PRPF3: variants seen among roughly 807,000 people sequenced by gnomAD.
The protein encoded by PRPF3 is pre-mRNA processing factor 3.
A neutral mutation model predicts 89.2 loss-of-function variants in PRPF3; 3 were observed. The ratio of observed to expected loss-of-function variants is 0.03; its 90% CI spans 0.02 to 0.09. PRPF3 has a LOEUF of 0.09. Among genes scored for constraint, PRPF3 ranks in the 10% least tolerant of loss-of-function variants. The pLI, the probability that PRPF3 is intolerant of heterozygous loss-of-function variation, is 1.00. For synonymous variants in PRPF3, 270 were observed against 289.1 expected (o/e 0.93, Z 0.67); for missense variants, 463 against 828.8 (o/e 0.56, Z 5.42).
chr1:150,333,299 C>T, intron 6 of PRPF3, 100 bp downstream of exon 6: 1 of 1,326,532 alleles, frequency 7.5e-7, no homozygotes, highest in Non-Finnish European at 1.1e-6. Flanking sequence ...GTGCCTCAGG[C>T]CTGTAATCGT....
In PRPF3 at chr1:150,325,071, C is replaced by A; in HGVS notation, c.129C>A (p.Asp43Glu). The change falls in exon 2 of 16, where the codon GAC becomes GAA. Residue 43 changes from aspartate to glutamate, a missense_variant. Asp to Glu is a conservative substitution (Grantham distance 45). This residue lies in a region of PRPF3 where 33 missense variants were observed against 83.1 expected (regional missense o/e 0.40). Transcript: ENST00000324862. The part of the protein sequence containing the change: ...AALNCVGKGM[D>E]KKKAADHLKP... ...TGAACTGTGTGGGGAAGGGCATGGACAAGAAGAAGGCAGCCGGTATGTACC... is the reference window on the plus strand; with the variant it reads ...TGAACTGTGTGGGGAAGGGCATGGAAAAGAAGAAGGCAGCCGGTATGTACC... 2 of 1,613,628 alleles carry A rather than the reference C, an allele frequency of 1.2e-6. No homozygotes were observed. Among genetic ancestry groups the A allele is most frequent in the Non-Finnish European group, 1.7e-6 (2 of 1,179,798 alleles).
intron 8 of PRPF3, among the ~76,000 whole-genome samples, chr1:150,339,503 C>T (rs1657440767): frequency 6.7e-6 from 1 of 149,564 alleles, no homozygotes; most frequent in Non-Finnish European, 1.5e-5. Flanking sequence ...GTGGAGCAAT[C>T]TTGGTTCACC....
intron 1 of PRPF3, among the ~76,000 whole-genome samples, chr1:150,323,731 A>G (rs1250488699): frequency 6.6e-6 from 1 of 151,420 alleles, no homozygotes; most frequent in African/African-American, 2.4e-5. Flanking sequence ...CTGTATGCAG[A>G]ATTCCCACTG....
intron 7 of PRPF3, among the ~76,000 whole-genome samples, chr1:150,337,403 G>T (rs1481230685): frequency 6.6e-6 from 1 of 152,110 alleles, no homozygotes; most frequent in Non-Finnish European, 1.5e-5. Flanking sequence ...GGGGTTGAAG[G>T]TGAGATCTAT....
intron 9 of PRPF3, among the ~76,000 whole-genome samples, chr1:150,342,855 A>C (rs1355051948): frequency 2.6e-5 from 4 of 152,000 alleles, no homozygotes; most frequent in Admixed American, 1.3e-4. Context: ...TTTATAATAG[A>C]GTTGGGTCTC....
chr1:150,340,996 T>C (rs1657635762), intron 9 of PRPF3, among the ~76,000 whole-genome samples: 2 of 151,374 alleles, frequency 1.3e-5, no homozygotes, highest in African/African-American at 4.8e-5. Flanking sequence ...TCCCAGCCTC[T>C]TGGGAGGCTG....
At chr1:150,343,089 A>G (rs1488443237) in intron 9 of PRPF3, 1 of 185,200 alleles carries the variant, frequency 5.4e-6, no homozygotes, top group Non-Finnish European at 1.1e-5. Context: ...TAAAAATACA[A>G]ACATTAGCCA....
intron 14 of PRPF3, among the ~76,000 whole-genome samples, chr1:150,348,429 G>A (rs1445645722): frequency 1.6e-5 from 2 of 125,040 alleles, no homozygotes; most frequent in Non-Finnish European, 3.3e-5. Context: ...TAAGATACCT[G>A]AGAATAAAAA....
At chr1:150,350,088 G>T (rs182039198) in intron 15 of PRPF3, among the ~76,000 whole-genome samples, 6 of 152,026 alleles carry the variant, frequency 3.9e-5, no homozygotes, top group African/African-American at 1.4e-4. Flanking sequence ...TAGAGACAGG[G>T]TTTCTCCATG....
At chr1:150,331,540 T>G (rs1348768673) in intron 4 of PRPF3, among the ~76,000 whole-genome samples, 1 of 151,826 alleles carries the variant, frequency 6.6e-6, no homozygotes, top group Non-Finnish European at 1.5e-5. Flanking sequence ...AATTTTTGTA[T>G]TTTTACTAGA....
chr1:150,344,542 A>C lies in PRPF3; in HGVS notation c.1635A>C (p.Val545=). ...TTTCACAGGGGGTACACATATCTGT[A>C]TATAGGTAGGTGTCCATACTGGGCC... ...EDISQGVHIS[V]YRVRNLSNPA... Residue 545 remains valine, a synonymous_variant, in exon 12 of 16, where the codon GTA becomes GTC. Coordinates refer to ENST00000324862, the MANE Select transcript of PRPF3 (RefSeq NM_004698.4). The C allele has an allele frequency of 8.7e-6, 14 of 1,614,072 alleles. No individual in the cohort carries two copies. Among genetic ancestry groups the C allele is most frequent in the Non-Finnish European group, 1.2e-5 (14 of 1,179,964 alleles).
chr1:150,345,506 A>G (rs946477574), intron 12 of PRPF3: 1 of 171,558 alleles, frequency 5.8e-6, no homozygotes, highest in Non-Finnish European at 1.3e-5. Flanking sequence ...ACGCACCCCC[A>G]CGCCCGGCTA....
chr1:150,321,734 G>A (rs1257170285), intron 1 of PRPF3, 142 bp downstream of exon 1: 1 of 149,264 alleles, frequency 6.7e-6, no homozygotes, highest in East Asian at 2.1e-4. Context: ...GGGAGAAGAG[G>A]TTGGAATGAG....
At chr1:150,325,209 C>A in intron 2 of PRPF3, 122 bp downstream of exon 2, 1 of 1,160,076 alleles carries the variant, frequency 8.6e-7, no homozygotes, top group Non-Finnish European at 1.2e-6. Flanking sequence ...ATTTTATTTT[C>A]ACCTGTATTA....
chr1:150,341,069 G>A (rs1657643611), intron 9 of PRPF3, among the ~76,000 whole-genome samples: 2 of 139,116 alleles, frequency 1.4e-5, no homozygotes, highest in Admixed American at 1.6e-4. Context: ...TGGTGCTGCT[G>A]CACTCCAGCC....
In PRPF3 at chr1:150,324,932, T is replaced by C; in HGVS notation, c.-11T>C. 6 of 1,611,688 alleles carry C rather than the reference T, an allele frequency of 3.7e-6. No homozygotes were observed. Among genetic ancestry groups the C allele is most frequent in the Non-Finnish European group, 5.1e-6 (6 of 1,178,640 alleles). ...GTCCTGTTTGAGCTATTGTTCTCTT[T>C]TTCCTGAAAAATGGCACTGTCAAAG... On this transcript the variant is annotated 5_prime_UTR_variant, in exon 2 of 16. Transcript: ENST00000324862.
At chr1:150,352,428 G>A (rs1560125922) in intron 15 of PRPF3, among the ~76,000 whole-genome samples, 1 of 152,252 alleles carries the variant, frequency 6.6e-6, no homozygotes, top group Non-Finnish European at 1.5e-5. Flanking sequence ...CACTTTGGGA[G>A]GCTGAGGCGG....
At position 150,344,307 on chromosome 1, in the gene PRPF3, C is replaced by T. The variant is rs782009952; in HGVS notation, c.1526+46C>T. The T allele has an allele frequency of 6.8e-6, 11 of 1,613,668 alleles. No individual in the cohort carries two copies. In the African/African-American group the frequency reaches 1.3e-4, roughly 20 times the overall value. On this transcript the variant is annotated intron_variant, in intron 11 of 15. Coordinates refer to ENST00000324862, the MANE Select transcript of PRPF3 (RefSeq NM_004698.4). ...TGGAAACCTCGGGCAAGTACCTTTC[C>T]CAAACTCTTCTGGGGGGTCCATATT...
chr1:150,343,377 C>G lies in PRPF3; in HGVS notation c.1351C>G (p.Gln451Glu). 1 of 1,609,362 alleles carries G rather than the reference C, an allele frequency of 6.2e-7. No homozygotes were observed. The highest frequency in any genetic ancestry group is 8.5e-7 in the Non-Finnish European group (1 of 1,177,062). ...GAAGGAACAGAAAAAACTTCGGAGA[C>G]AAACAAGGAGGGAAGCACAGAAGGA... is the stretch of plus-strand genomic sequence containing the variant. ...TKKEQKKLRR[Q>E]TRREAQKELQ... The change falls in exon 10 of 16, where the codon CAA (glutamine) becomes GAA (glutamate). Residue 451 changes from glutamine to glutamate, a missense_variant. Coordinates refer to ENST00000324862, the MANE Select transcript of PRPF3 (RefSeq NM_004698.4).
Sources: gnomAD v4.1 joint callset for allele counts (sites outside exome capture counted in the v4.1 genomes callset) on GRCh38, gnomAD v4.1.1 for gene constraint, gnomAD v4.1.1 regional missense constraint, MANE v1.5 for transcripts, NCBI Gene and HGNC (gene_info 2026-07-23, HGNC 2026-07-21) for gene names.